The following VIPAS39 variants were observed in gnomAD, a reference collection of about 807,000 sequenced individuals.
The protein encoded by VIPAS39 is VPS33B interacting protein, apical-basolateral polarity regulator, spe-39 homolog, also known as spermatogenesis-defective protein 39 homolog.
Under a neutral mutation model 84.7 loss-of-function variants are expected in VIPAS39, and 63 were observed. That is an observed-to-expected ratio of 0.74 (90% CI 0.61 to 0.92). The LOEUF is 0.92. VIPAS39 is among the 40% of genes least tolerant of loss of function. The pLI, the probability that VIPAS39 is intolerant of heterozygous loss-of-function variation, is 0.00. For synonymous variants in VIPAS39, 192 were observed against 216.5 expected (o/e 0.89, Z 0.99); for missense variants, 499 against 604.5 (o/e 0.83, Z 1.83).
At chr14:77,441,578 G>C (rs76874621) in intron 10 of VIPAS39, among the ~76,000 whole-genome samples, 1 of 152,150 alleles carries the variant, frequency 6.6e-6, no homozygotes, top group East Asian at 1.9e-4. Flanking sequence ...TGGCATGGAG[G>C]TGATGCCTGA....
chr14:77,456,253 A>G (rs1594932597), intron 1 of VIPAS39, among the ~76,000 whole-genome samples: 1 of 152,226 alleles, frequency 6.6e-6, no homozygotes. Flanking sequence ...TTAGTGCCTG[A>G]CCCAAAATTA....
chr14:77,444,862 A>AT (rs1473159653), intron 7 of VIPAS39, among the ~76,000 whole-genome samples: 1 of 151,108 alleles, frequency 6.6e-6, no homozygotes, highest in Non-Finnish European at 1.5e-5. Flanking sequence ...GATTACAGGC[A>AT]TGAGCCACCG....
Position 77,429,687 on chromosome 14 carries a change from A to C in VIPAS39, c.1260T>G (p.Pro420=). 1 of 1,614,178 alleles carries C rather than the reference A, an allele frequency of 6.2e-7. No individual in the cohort carries two copies. The highest frequency in any genetic ancestry group is 8.5e-7 in the Non-Finnish European group (1 of 1,180,002). ...VVEILHKNNA[P]VQILQEYVNL... ...TCTCTTCAGGACCCATTACCTGCAC[A>C]GGGGCATTGTTCTTGTGCAAAATTT... The change falls in exon 17 of 20, where the codon CCT becomes CCG. Residue 420 remains proline (P), a synonymous_variant. Transcript: ENST00000557658.
At chr14:77,428,966 T>A (rs753028846) in intron 18 of VIPAS39, 40 bp downstream of exon 18, 2 of 1,566,268 alleles carry the variant, frequency 1.3e-6, no homozygotes, top group Non-Finnish European at 1.8e-6. Context: ...GCTTCGCCAC[T>A]GAGGATCTAA....
chr14:77,457,121 T>C (rs2078971973), intron 1 of VIPAS39: 4 of 1,414,956 alleles, frequency 2.8e-6, no homozygotes, highest in Admixed American at 5.9e-5. Context: ...GTTTCAATTA[T>C]CTTCCGAGCC....
chr14:77,453,492 G>A, intron 2 of VIPAS39, 91 bp from the exon 3 acceptor site: 3 of 1,251,288 alleles, frequency 2.4e-6, no homozygotes, highest in South Asian at 1.2e-5. Context: ...ATTGGGGCCT[G>A]AAGGTGGCCA....
chr14:77,439,864 T>C (rs2078673109), intron 11 of VIPAS39, among the ~76,000 whole-genome samples: 1 of 152,192 alleles, frequency 6.6e-6, no homozygotes, highest in African/African-American at 2.4e-5. Context: ...TGAATGTCTG[T>C]ATGGATATCA....
At chr14:77,446,517 C>T (rs557079761) in intron 7 of VIPAS39, among the ~76,000 whole-genome samples, 19 of 152,238 alleles carry the variant, frequency 1.2e-4, no homozygotes, top group African/African-American at 4.3e-4. Flanking sequence ...GCCAATTCTA[C>T]CAAAATTGAT....
At chr14:77,432,225 A>G (rs1004799182) in intron 16 of VIPAS39, among the ~76,000 whole-genome samples, 2 of 152,184 alleles carry the variant, frequency 1.3e-5, no homozygotes, top group African/African-American at 4.8e-5. Context: ...TTAAGTATAT[A>G]CAATATATAA....
At chr14:77,444,403 G>T in intron 7 of VIPAS39, 62 bp from the exon 8 acceptor site, 1 of 1,418,364 alleles carries the variant, frequency 7.1e-7, no homozygotes, top group Non-Finnish European at 9.9e-7. Context: ...CTTTGTTGCT[G>T]GATACTAAAG....
Position 77,428,475 on chromosome 14 carries a change from C to A in VIPAS39, c.1357-1G>T, listed in dbSNP as rs1479468707. The A allele has an allele frequency of 6.2e-7, 1 of 1,613,690 alleles. No homozygotes were observed. Among genetic ancestry groups the A allele is most frequent in the South Asian group, 1.1e-5 (1 of 91,040 alleles). ...GACGATCCTTCAGGTCCCGGTAGGTCTGTGCATCAAAACAAACAATACAAA... is the reference window on the plus strand; with the variant it reads ...GACGATCCTTCAGGTCCCGGTAGGTATGTGCATCAAAACAAACAATACAAA... On this transcript the variant is annotated splice_acceptor_variant, in intron 18 of 19. Transcript: ENST00000557658. LOFTEE classifies it high-confidence loss of function.
chr14:77,449,503 C>T (rs1014166894), intron 5 of VIPAS39, 146 bp from the exon 6 acceptor site: 59 of 1,269,358 alleles, frequency 4.6e-5, no homozygotes, highest in Non-Finnish European at 6.5e-5. Flanking sequence ...CGTTCTTCCC[C>T]AAAGACAGCA....
chr14:77,435,167 CATT>C, intron 14 of VIPAS39, 89 bp downstream of exon 14: 2 of 1,581,468 alleles, frequency 1.3e-6, no homozygotes, highest in Non-Finnish European at 1.7e-6. Flanking sequence ...TATACATACC[CATT>C]ATTAATAGAG....
chr14:77,431,091 G>C (rs917643888), intron 16 of VIPAS39, among the ~76,000 whole-genome samples: 10 of 152,118 alleles, frequency 6.6e-5, no homozygotes, highest in Admixed American at 4.6e-4. Context: ...ACTCATAGAA[G>C]AAAACATGGG....
Position 77,449,184 on chromosome 14 carries a change from A to G in VIPAS39, c.447+109T>C, listed in dbSNP as rs192701847. On this transcript the variant is annotated intron_variant, in intron 6 of 19. Coordinates refer to ENST00000557658, the MANE Select transcript of VIPAS39 (RefSeq NM_001193315.2). ...AACCCAGTTTTCTAATCTATAAAAC[A>G]GGGTTAAAAAAATATCTACTCAAAT... 1.5e-4 allele frequency: 185 copies of G among 1,248,688 alleles called. 1 individual carries two copies. In the African/African-American group the frequency reaches 1.9e-3, roughly 13 times the overall value. 77.4% of individuals were successfully genotyped at this position (1,248,688 alleles called of 1,614,324 possible).
chr14:77,440,814 G>A (rs950168600), intron 11 of VIPAS39, among the ~76,000 whole-genome samples: 3 of 152,136 alleles, frequency 2.0e-5, no homozygotes, highest in Non-Finnish European at 2.9e-5. Context: ...CCCATCCCAG[G>A]TTCAAGCAAT....
intron 19 of VIPAS39, 112 bp downstream of exon 19, chr14:77,428,258 A>G (rs1252469388): frequency 3.3e-6 from 3 of 913,180 alleles, no homozygotes; most frequent in Middle Eastern, 3.0e-4. Flanking sequence ...CCTTACATCC[A>G]TGTGGCTTAG....
chr14:77,434,347 CCAAGTACCA>C, intron 14 of VIPAS39, 44 bp from the exon 15 acceptor site: 8 of 1,563,644 alleles, frequency 5.1e-6, no homozygotes, highest in Non-Finnish European at 7.1e-6. Context: ...ATTGACTTTC[CCAAGTACCA>C]CCCAAGCTCT....
chr14:77,439,799 A>G (rs2139804600), intron 11 of VIPAS39, among the ~76,000 whole-genome samples: 1 of 152,256 alleles, frequency 6.6e-6, no homozygotes, highest in Admixed American at 6.5e-5. Flanking sequence ...AAGCATTTTC[A>G]GTATTATATA....
Sources: allele counts gnomAD v4.1 joint callset (sites outside exome capture counted in the v4.1 genomes callset), GRCh38; gene constraint gnomAD v4.1.1; transcripts MANE v1.5; gene names NCBI Gene and HGNC (gene_info 2026-07-23, HGNC 2026-07-21).